The following PACRG variants were observed in gnomAD, a reference collection of about 807,000 sequenced individuals.
The protein encoded by PACRG is parkin coregulated gene protein.
In PACRG, 29 loss-of-function variants were observed where a neutral mutation model predicts 29.7. The ratio of observed to expected loss-of-function variants is 0.98; its 90% CI spans 0.73 to 1.33. PACRG has a LOEUF of 1.33. PACRG is among the 40% of genes most tolerant of loss of function. PACRG has a pLI of 0.00. For synonymous variants in PACRG, 116 were observed against 118.7 expected (o/e 0.98, Z 0.15); for missense variants, 279 against 316.2 (o/e 0.88, Z 0.89).
intron 2 of PACRG, among the ~76,000 whole-genome samples, chr6:163,045,607 G>A (rs1706783382): frequency 6.7e-6 from 1 of 148,650 alleles, no homozygotes; most frequent in African/African-American, 2.5e-5. Context: ...ACAGGTGTGA[G>A]CTACTGCGCC....
Position 162,931,186 on chromosome 6 carries a change from TTA to T in PACRG, c.291+116907_291+116908del, listed in dbSNP as rs764127462. On this transcript the variant is annotated intron_variant, in intron 2 of 4. Coordinates refer to ENST00000366888, the MANE Select transcript of PACRG (RefSeq NM_001080379.2). Reference sequence around the variant, plus strand: ...TTGATTGAATTGTTTTCTTATTGATTTATGAGAGTTCTTTTTATATATCTGGA... The same window carrying T: ...TTGATTGAATTGTTTTCTTATTGATTTGAGAGTTCTTTTTATATATCTGGA... Among the ~76,000 whole-genome samples the T allele has an allele frequency of 1.9e-4, 29 of 151,860 alleles. No homozygotes were observed. The East Asian group carries it at 2.5e-3, about 13-fold the overall frequency.
At position 162,787,580 on chromosome 6, in the gene PACRG, GTGTA is replaced by G. The variant is rs1437761367; in HGVS notation, c.157-26565_157-26562del. On this transcript the variant is annotated intron_variant, in intron 1 of 4. Coordinates refer to ENST00000366888, the MANE Select transcript of PACRG (RefSeq NM_001080379.2). ...TTATTGTGTGTGTGTGTGTGTGTGT[GTGTA>G]TATATATATATATATATATATATAT... Among the ~76,000 whole-genome samples the G allele has an allele frequency of 8.1e-4, 56 of 69,168 alleles. 1 individual carries two copies. The highest frequency in any genetic ancestry group is 2.4e-3 in the African/African-American group (41 of 16,948). The allele number at this position is 69,168 out of a possible 152,430, so 45.4% of individuals were successfully genotyped here.
intron 1 of PACRG, among the ~76,000 whole-genome samples, chr6:162,739,190 T>A (rs574160402): frequency 6.6e-6 from 1 of 152,358 alleles, no homozygotes; most frequent in South Asian, 2.1e-4. Context: ...ACTAAAATTG[T>A]ACCAATCTGA....
chr6:163,283,861 C>A (rs938256022), intron 4 of PACRG, among the ~76,000 whole-genome samples: 1 of 151,744 alleles, frequency 6.6e-6, no homozygotes, highest in African/African-American at 2.4e-5. Flanking sequence ...CACCTGTGAT[C>A]CCAGCACTTT....
intron 2 of PACRG, among the ~76,000 whole-genome samples, chr6:162,856,495 G>A (rs1042344992): frequency 5.3e-5 from 8 of 152,166 alleles, no homozygotes; most frequent in African/African-American, 1.9e-4. Context: ...CCCAGGAGAT[G>A]ATCAGAGAAT....
chr6:162,973,248 C>T (rs1171618343), intron 2 of PACRG, among the ~76,000 whole-genome samples: 1 of 152,214 alleles, frequency 6.6e-6, no homozygotes, highest in Non-Finnish European at 1.5e-5. Context: ...GTCACTGCCC[C>T]TCTCTGGCCT....
intron 4 of PACRG, among the ~76,000 whole-genome samples, chr6:163,314,369 T>C (rs1785562562): frequency 6.6e-6 from 1 of 152,224 alleles, no homozygotes; most frequent in Non-Finnish European, 1.5e-5. Flanking sequence ...GAGTTTGCCA[T>C]GTGTTCAAAA....
intron 2 of PACRG, among the ~76,000 whole-genome samples, chr6:163,011,309 G>A (rs1391244215): frequency 6.6e-6 from 1 of 152,250 alleles, no homozygotes; most frequent in Admixed American, 6.5e-5. Flanking sequence ...CCTAGGCCCT[G>A]CGGTGTAGCC....
intron 4 of PACRG, among the ~76,000 whole-genome samples, chr6:163,205,163 T>C (rs1404003411): frequency 6.6e-6 from 1 of 152,258 alleles, no homozygotes; most frequent in Non-Finnish European, 1.5e-5. Flanking sequence ...ACAGATTCGA[T>C]GCTATTCCAA....
chr6:163,015,724 T>C (rs1263582142), intron 2 of PACRG, among the ~76,000 whole-genome samples: 2 of 152,204 alleles, frequency 1.3e-5, no homozygotes, highest in Non-Finnish European at 2.9e-5. Context: ...TGAAATAGTT[T>C]ATCAGTTCCA....
At chr6:163,231,135 A>C (rs1018162066) in intron 4 of PACRG, among the ~76,000 whole-genome samples, 1 of 152,166 alleles carries the variant, frequency 6.6e-6, no homozygotes, top group Non-Finnish European at 1.5e-5. Flanking sequence ...CACCTTTGGG[A>C]GGCTGGCAAG....
intron 2 of PACRG, among the ~76,000 whole-genome samples, chr6:162,865,615 A>G (rs1437742091): frequency 6.6e-6 from 1 of 152,194 alleles, no homozygotes; most frequent in East Asian, 1.9e-4. Context: ...CATTACATAT[A>G]ACTTAAATTA....
intron 1 of PACRG, among the ~76,000 whole-genome samples, 172 bp downstream of exon 1, chr6:162,728,563 C>T (rs1329473938): frequency 2.0e-5 from 3 of 152,076 alleles, no homozygotes; most frequent in Non-Finnish European, 4.4e-5. Context: ...GGGGGGCAGG[C>T]TAGGTTGTTA....
chr6:162,751,671 G>T (rs1781524755), intron 1 of PACRG, among the ~76,000 whole-genome samples: 1 of 152,182 alleles, frequency 6.6e-6, no homozygotes, highest in South Asian at 2.1e-4. Flanking sequence ...ATTTTCTCTA[G>T]TCTAGGCCTA....
chr6:162,748,132 C>T (rs1781226538), intron 1 of PACRG, among the ~76,000 whole-genome samples: 2 of 152,090 alleles, frequency 1.3e-5, no homozygotes, highest in African/African-American at 2.4e-5. Context: ...TGGCATTTGT[C>T]ATTAAAGAAA....
intron 2 of PACRG, among the ~76,000 whole-genome samples, chr6:163,004,701 A>AGTGTGTGTGTGTGTGTGT (rs374627693): frequency 1.9e-3 from 255 of 131,436 alleles, no homozygotes; most frequent in African/African-American, 8.2e-3. Context: ...ACAAAGTTCT[A>AGTGTGTGTGTGTGTGTGT]GTGTGTGTGT....
chr6:162,959,943 A>G (rs1355107454), intron 2 of PACRG, among the ~76,000 whole-genome samples: 1 of 152,210 alleles, frequency 6.6e-6, no homozygotes, highest in African/African-American at 2.4e-5. Flanking sequence ...AAAAGCGGGC[A>G]AAGGACATAA....
chr6:162,914,048 A>G (rs556129269), intron 2 of PACRG, among the ~76,000 whole-genome samples: 3 of 152,282 alleles, frequency 2.0e-5, no homozygotes, highest in South Asian at 4.1e-4. Flanking sequence ...GCTCTGCAAA[A>G]GAGAAAATGT....
At chr6:162,947,273 AC>A (rs1207717535) in intron 2 of PACRG, among the ~76,000 whole-genome samples, 1 of 122,594 alleles carries the variant, frequency 8.2e-6, no homozygotes, top group African/African-American at 3.1e-5. Flanking sequence ...TCTATATATA[AC>A]CATATATAAT....
Sources: allele counts gnomAD v4.1 joint callset (sites outside exome capture counted in the v4.1 genomes callset), GRCh38; gene constraint gnomAD v4.1.1; transcripts MANE v1.5; gene names NCBI Gene and HGNC (gene_info 2026-07-23, HGNC 2026-07-21).